Variants in COL16A1 observed in about 807,000 individuals in gnomAD.
The protein encoded by COL16A1 is collagen alpha-1(XVI) chain.
Under a neutral mutation model 266.3 loss-of-function variants are expected in COL16A1, and 189 were observed. That is an observed-to-expected ratio of 0.71 (90% CI 0.63 to 0.80). The LOEUF is 0.80. Ranked by LOEUF, COL16A1 falls within the 30% of genes least tolerant of loss-of-function variation. The pLI is 0.00. For synonymous variants in COL16A1, 740 were observed against 782.3 expected (o/e 0.95, Z 0.90); for missense variants, 1,928 against 2,122.4 (o/e 0.91, Z 1.80).
intron 47 of COL16A1, 96 bp from the exon 48 acceptor site, chr1:31,671,755 G>A: frequency 6.8e-7 from 1 of 1,477,378 alleles, no homozygotes; most frequent in South Asian, 1.2e-5. Flanking sequence ...CAGGGCCAAG[G>A]TCAACAGAGG....
rs576567710 is a variant in COL16A1, at chr1:31,702,072, G to C, written c.73+49C>G. ...ATGTGCAAGGACCCCAGCACCCCAG[G>C]ATACCAGTTGCAGGCCTGTGATACT... On this transcript the variant is annotated intron_variant, in intron 2 of 70. Transcript: ENST00000373672. 49 of 1,613,264 alleles carry C rather than the reference G, an allele frequency of 3.0e-5. No individual in the cohort carries two copies. In the South Asian group the frequency reaches 4.7e-4, roughly 16 times the overall value.
chr1:31,664,946 G>A lies in COL16A1; in HGVS notation c.3555+226C>T, dbSNP rs1371901159. Among the ~76,000 whole-genome samples, 1 of 152,110 alleles carries A rather than the reference G, an allele frequency of 6.6e-6. No individual in the cohort carries two copies. The highest frequency in any genetic ancestry group is 1.5e-5 in the Non-Finnish European group (1 of 68,004). On this transcript the variant is annotated intron_variant, in intron 56 of 70. Coordinates refer to ENST00000373672, the MANE Select transcript of COL16A1 (RefSeq NM_001856.4). This position sits in a 1 kb window ranked among gnomAD's most constrained non-coding sequence, Gnocchi z 5.5. ...CAAGGGCCTGGGCTGCACAGAGGCC[G>A]CAGGCATCCTGGGCCAAGCAGACAT...
In COL16A1 at chr1:31,695,750, G is replaced by A. The variant is rs766098433; in HGVS notation, c.945+11C>T. The A allele has an allele frequency of 1.2e-6, 2 of 1,613,612 alleles. No homozygotes were observed. The highest frequency in any genetic ancestry group is 1.7e-6 in the Non-Finnish European group (2 of 1,179,788). ...GCACCTCCCCTGCTGCCAGTCCACT[G>A]GGAGGCTTACCTCATCGGCTGCTGT... On this transcript the variant is annotated intron_variant, in intron 10 of 70. Transcript: ENST00000373672.
chr1:31,673,127 A>G, intron 44 of COL16A1: 1 of 481,104 alleles, frequency 2.1e-6, no homozygotes, highest in Non-Finnish European at 3.9e-6. Flanking sequence ...GGGCCCGCAG[A>G]GGGACCATCT....
intron 42 of COL16A1, among the ~76,000 whole-genome samples, chr1:31,677,029 G>A (rs908482447): frequency 6.6e-6 from 1 of 152,252 alleles, no homozygotes; most frequent in Non-Finnish European, 1.5e-5. Context: ...TCAGGGCTTA[G>A]AGCAGTGCCT....
At position 31,692,659 on chromosome 1, in the gene COL16A1, A is replaced by G; in HGVS notation, c.1114-17T>C. On this transcript the variant is annotated splice_polypyrimidine_tract_variant and intron_variant, in intron 14 of 70. Coordinates refer to ENST00000373672, the MANE Select transcript of COL16A1 (RefSeq NM_001856.4). ...TTCTGCACACTGAACAGGGGAACACAGTGTTGAGAGGGGCAGAGGGTCACC... is the reference window on the plus strand; with the variant it reads ...TTCTGCACACTGAACAGGGGAACACGGTGTTGAGAGGGGCAGAGGGTCACC... 1 of 1,614,006 alleles carries G rather than the reference A, an allele frequency of 6.2e-7. No homozygotes were observed. The highest frequency in any genetic ancestry group is 8.5e-7 in the Non-Finnish European group (1 of 1,179,946).
chr1:31,701,367 G>C (rs1343712304), intron 2 of COL16A1: 2 of 985,264 alleles, frequency 2.0e-6, no homozygotes, highest in African/African-American at 3.5e-5. Flanking sequence ...CACATACAAG[G>C]GGCAGGCGGC....
rs181318727 is a variant in COL16A1 at position 31,652,646 on chromosome 1, G to A, written c.*5C>T. On this transcript the variant is annotated 3_prime_UTR_variant, in exon 71 of 71. Coordinates refer to ENST00000373672, the MANE Select transcript of COL16A1 (RefSeq NM_001856.4). This position sits in a 1 kb window ranked among gnomAD's most constrained non-coding sequence, Gnocchi z 4.8. ...AGTCTTTCATCCAAAGGCAGGTGGG[G>A]AATTTCAGCCAAAAGGCCCCTTCAT... The A allele has an allele frequency of 9.8e-5, 154 of 1,566,720 alleles. 1 individual carries two copies. The African/African-American group carries it at 1.9e-3, about 19-fold the overall frequency.
Position 31,670,492 on chromosome 1 carries a change from C to T in COL16A1, c.3195+110G>A, listed in dbSNP as rs1642564719. ...GTTAGCTACCGTGCCTGAAGGGGGA[C>T]AACAAACACGGAGGACGGAGGTGAA... On this transcript the variant is annotated intron_variant, in intron 49 of 70. Transcript: ENST00000373672. The surrounding 1 kb of genome is among the most constrained non-coding windows in gnomAD (Gnocchi z 4.5). 1 of 1,270,986 alleles carries T rather than the reference C, an allele frequency of 7.9e-7. No individual in the cohort carries two copies. 78.7% of individuals were successfully genotyped at this position (1,270,986 alleles called of 1,614,324 possible). A position where few individuals can be genotyped will look rare whatever the true frequency, so the allele number is the denominator to read the frequency against.
chr1:31,690,565 C>G lies in COL16A1; in HGVS notation c.1446G>C (p.Ser482=). ...PPGPKGDKGS[S]GIPGKEGPGG... ...CAGGGCCTTCCTTTCCTGGGATCCC[C>G]GAGCTGCCCTGTGGTCAGAAGAAAG... The change falls in exon 21 of 71, where the codon TCG becomes TCC. Residue 482 remains serine, a synonymous_variant. Transcript: ENST00000373672. 6.2e-7 allele frequency: 1 copy of G among 1,613,784 alleles called. No individual in the cohort carries two copies. The highest frequency in any genetic ancestry group is 8.5e-7 in the Non-Finnish European group (1 of 1,179,858).
intron 1 of COL16A1, among the ~76,000 whole-genome samples, chr1:31,703,480 T>A (rs929644774): frequency 1.3e-5 from 2 of 151,808 alleles, no homozygotes; most frequent in Non-Finnish European, 2.9e-5. Flanking sequence ...TGCCAGCCAA[T>A]AGAAGGGCTG....
intron 42 of COL16A1, 53 bp from the exon 43 acceptor site, chr1:31,675,364 G>C (rs183107117): frequency 2.1e-5 from 34 of 1,595,492 alleles, no homozygotes; most frequent in Admixed American, 1.4e-4. Flanking sequence ...TAGCCTGCTG[G>C]TCAGCCTGTT....
rs1641647729 is a variant in COL16A1 at position 31,661,364 on chromosome 1, C to G, written c.3771+50G>C. 3.1e-6 allele frequency: 5 copies of G among 1,613,396 alleles called. No homozygotes were observed. In the East Asian group the frequency reaches 1.1e-4, roughly 36 times the overall value. ...GCTGCCATGTATGCCTGGGGGCAAG[C>G]CTTCAGGAGAGCAGAGATAACCTGC... On this transcript the variant is annotated intron_variant, in intron 60 of 70. Coordinates refer to ENST00000373672, the MANE Select transcript of COL16A1 (RefSeq NM_001856.4).
chr1:31,653,293 A>C (rs547388659), intron 70 of COL16A1: 93 of 326,650 alleles, frequency 2.8e-4, no homozygotes, highest in African/African-American at 1.7e-3. Context: ...TGGCCTCTTC[A>C]AGGTGTACAG....
Position 31,668,144 on chromosome 1 carries a change from A to T in COL16A1, c.3303+21T>A. 3.7e-6 allele frequency: 6 copies of T among 1,606,144 alleles called. No homozygotes were observed. Among genetic ancestry groups the T allele is most frequent in the Non-Finnish European group, 4.2e-6 (5 of 1,176,628 alleles). ...CTCTGGTACCTGGCACCCACTCCCC[A>T]GCAAGGGTCCCCTTACTCACAGGCA... On this transcript the variant is annotated intron_variant, in intron 51 of 70. Coordinates refer to ENST00000373672, the MANE Select transcript of COL16A1 (RefSeq NM_001856.4). This position sits in a 1 kb window ranked among gnomAD's most constrained non-coding sequence, Gnocchi z 5.8.
At position 31,657,253 on chromosome 1, in the gene COL16A1, G is replaced by T. The variant is rs370162954; in HGVS notation, c.4021-185C>A. 1.5e-6 allele frequency: 1 copy of T among 661,216 alleles called. No homozygotes were observed. The allele number at this position is 661,216 out of a possible 1,614,324, so 41.0% of individuals were successfully genotyped here. ...TTAGACCCCCACCCCATACTCCAGC[G>T]TGATCCCAGAGCCCCAACAGCTCCC... On this transcript the variant is annotated intron_variant, in intron 64 of 70. Transcript: ENST00000373672. This position sits in a 1 kb window ranked among gnomAD's most constrained non-coding sequence, Gnocchi z 6.4.
rs765373581 is a variant in COL16A1, at chr1:31,698,570, G to C, written c.303C>G (p.Ala101=). 1.9e-6 allele frequency: 3 copies of C among 1,614,044 alleles called. No individual in the cohort carries two copies. ...TCTTCAGCAGTAGTGTCAGCACCAG[G>C]GCAAACTCCTCCGGGAGACCCCGAG... ...VFPRGLPEEF[A]LVLTLLLKKH... is the part of the protein sequence containing the mutation. Residue 101 remains alanine, a synonymous_variant, in exon 5 of 71, where the codon GCC becomes GCG. Coordinates refer to ENST00000373672, the MANE Select transcript of COL16A1 (RefSeq NM_001856.4). The surrounding 1 kb of genome is among the most constrained non-coding windows in gnomAD (Gnocchi z 4.1).
chr1:31,690,647 C>T (rs956410674), intron 20 of COL16A1, 74 bp from the exon 21 acceptor site: 15 of 1,569,678 alleles, frequency 9.6e-6, no homozygotes, highest in Admixed American at 5.5e-5. Context: ...CTTCCCCACC[C>T]GTGCCCCTCT....
intron 70 of COL16A1, 69 bp downstream of exon 70, chr1:31,653,530 A>G (rs1570312326): frequency 6.6e-7 from 1 of 1,522,624 alleles, no homozygotes; most frequent in Non-Finnish European, 8.9e-7. Flanking sequence ...GCTGTGTCAT[A>G]GAAGAAACAG....
Sources: allele counts gnomAD v4.1 joint callset (sites outside exome capture counted in the v4.1 genomes callset), GRCh38; gene constraint gnomAD v4.1.1; non-coding constraint Gnocchi (gnomAD v3.1); transcripts MANE v1.5; gene names NCBI Gene and HGNC (gene_info 2026-07-23, HGNC 2026-07-21).